MYO5A: variants seen among roughly 807,000 people sequenced by gnomAD.
MYO5A encodes myosin VA.
Under a neutral mutation model 249.7 loss-of-function variants are expected in MYO5A, and 98 were observed. That is an observed-to-expected ratio of 0.39 (90% confidence interval 0.33 to 0.46). The LOEUF is 0.46. Ranked by LOEUF, MYO5A falls within the 20% of genes least tolerant of loss-of-function variation. The pLI is 0.98. For missense variants in MYO5A, 1,696 were observed against 2,308.8 expected (o/e 0.73, Z 5.44); for synonymous variants, 778 against 810.6 (o/e 0.96, Z 0.68).
At chr15:52,491,609 C>T (rs2076937218) in intron 1 of MYO5A, among the ~76,000 whole-genome samples, 1 of 152,170 alleles carries the variant, frequency 6.6e-6, no homozygotes, top group Non-Finnish European at 1.5e-5. Flanking sequence ...AGTCAGGCTC[C>T]AAGTGTCAGA....
At chr15:52,416,047 G>A in intron 5 of MYO5A, 98 bp downstream of exon 5, 2 of 1,373,648 alleles carry the variant, frequency 1.5e-6, no homozygotes, top group Non-Finnish European at 2.1e-6. Context: ...AGTGGCTGGA[G>A]ACCCCAGGCT....
chr15:52,374,881 AC>A (rs202071760), intron 20 of MYO5A, among the ~76,000 whole-genome samples: 4 of 16,196 alleles, frequency 2.5e-4, no homozygotes, highest in Non-Finnish European at 3.4e-3. Flanking sequence ...AAACTAACAT[AC>A]TTTTTTTTTC....
intron 6 of MYO5A, among the ~76,000 whole-genome samples, chr15:52,409,025 A>G (rs2043132302): frequency 6.6e-6 from 1 of 152,290 alleles, no homozygotes; most frequent in African/African-American, 2.4e-5. Flanking sequence ...CTCTTTGTAC[A>G]TAAAGGACAA....
intron 1 of MYO5A, among the ~76,000 whole-genome samples, chr15:52,485,722 T>C (rs1456930209): frequency 2.0e-5 from 3 of 152,146 alleles, no homozygotes; most frequent in African/African-American, 7.2e-5. Flanking sequence ...AACATAAACA[T>C]ACACTTTTGG....
At chr15:52,322,004 C>T (rs568003388) in intron 37 of MYO5A, among the ~76,000 whole-genome samples, 11 of 152,260 alleles carry the variant, frequency 7.2e-5, no homozygotes, top group East Asian at 5.8e-4. Flanking sequence ...TACTCTATTT[C>T]GTAGTACCCA....
chr15:52,318,996 C>T, intron 39 of MYO5A, 64 bp downstream of exon 39: 1 of 1,588,174 alleles, frequency 6.3e-7, no homozygotes, highest in Non-Finnish European at 8.6e-7. Context: ...ATCAGCTCTC[C>T]ACAACCCTGG....
chr15:52,422,072 A>G (rs1000411536), intron 4 of MYO5A, among the ~76,000 whole-genome samples: 1 of 152,356 alleles, frequency 6.6e-6, no homozygotes, highest in East Asian at 1.9e-4. Flanking sequence ...ATGAGAAAAG[A>G]CTGGCAAGAA....
intron 32 of MYO5A, among the ~76,000 whole-genome samples, chr15:52,339,320 A>T (rs1360172070): frequency 1.3e-5 from 2 of 152,210 alleles, no homozygotes; most frequent in Non-Finnish European, 1.5e-5. Flanking sequence ...ATGTTAATTT[A>T]AAAAAGACAC....
At chr15:52,528,933 G>T (rs1340641471), upstream of MYO5A, 23 of 795,800 alleles carry the variant, frequency 2.9e-5, no homozygotes, top group South Asian at 1.1e-3. Flanking sequence ...GGCCGGGCGG[G>T]GAGGGCCGCG....
chr15:52,396,488 TGGGACA>T, intron 10 of MYO5A, 91 bp from the exon 11 acceptor site: 1 of 736,778 alleles, frequency 1.4e-6, no homozygotes, highest in Non-Finnish European at 2.3e-6. Context: ...AAGAAAGAAG[TGGGACA>T]TTCCCCAACA....
intron 20 of MYO5A, among the ~76,000 whole-genome samples, chr15:52,374,504 A>AGGTGATT (rs2041297148): frequency 6.6e-6 from 1 of 152,248 alleles, no homozygotes; most frequent in Admixed American, 6.5e-5. Context: ...TGATTAGGTT[A>AGGTGATT]AGGGTCTTCA....
At position 52,342,217 on chromosome 15, in the gene MYO5A, G is replaced by A. The variant is rs146328886; in HGVS notation, c.4040+900C>T. On this transcript the variant is annotated intron_variant, in intron 31 of 41. Coordinates refer to ENST00000399233, the MANE Select transcript of MYO5A (RefSeq NM_001382347.1). ...CAAAAAATAAAAAAATTAGCTGAGT[G>A]TGGTGGCACATGCTTGTGACAGTCC... Among the ~76,000 whole-genome samples, 68 of 152,224 alleles carry A rather than the reference G, an allele frequency of 4.5e-4. 1 individual carries two copies. The East Asian group carries it at 7.1e-3, about 16-fold the overall frequency.
chr15:52,481,790 C>T (rs75764602), intron 1 of MYO5A, among the ~76,000 whole-genome samples: 2,844 of 152,086 alleles, frequency 0.019, 61 homozygotes, highest in African/African-American at 0.053. Flanking sequence ...AGAGAGATTC[C>T]CAGGGCTCAG....
At chr15:52,526,095 A>G (rs1225293398) in intron 1 of MYO5A, among the ~76,000 whole-genome samples, 1 of 152,266 alleles carries the variant, frequency 6.6e-6, no homozygotes, top group East Asian at 1.9e-4. Flanking sequence ...TTAATTAGGC[A>G]TAAGTATATT....
At chr15:52,329,905 ATTTT>A (rs58058940) in intron 35 of MYO5A, among the ~76,000 whole-genome samples, 10,672 of 118,856 alleles carry the variant, frequency 0.09, 712 homozygotes, top group African/African-American at 0.21. Context: ...CGCCTGGGTA[ATTTT>A]TTTTTTTTTT....
At chr15:52,382,960 T>C in intron 16 of MYO5A, 131 bp downstream of exon 16, 1 of 774,396 alleles carries the variant, frequency 1.3e-6, no homozygotes, top group Non-Finnish European at 2.3e-6. Flanking sequence ...GGTTTCCCTC[T>C]ACAAGGCATG....
chr15:52,323,342 A>C lies in MYO5A; in HGVS notation c.4800+13T>G. The C allele has an allele frequency of 2.5e-6, 4 of 1,606,082 alleles. No individual in the cohort carries two copies. The African/African-American group carries it at 5.3e-5, about 21-fold the overall frequency. ...AGTATAGCATGCTGGTTTTGTAATC[A>C]AGGTTTTCTCACCTCTTCTCCACTG... On this transcript the variant is annotated intron_variant, in intron 37 of 41. Transcript: ENST00000399233.
At chr15:52,521,879 C>T (rs928088640) in intron 1 of MYO5A, among the ~76,000 whole-genome samples, 1 of 152,088 alleles carries the variant, frequency 6.6e-6, no homozygotes, top group Non-Finnish European at 1.5e-5. Context: ...GAAGAGGAAC[C>T]GTTAAAGGGC....
At chr15:52,348,032 A>C (rs543357003) in intron 29 of MYO5A, among the ~76,000 whole-genome samples, 2 of 152,186 alleles carry the variant, frequency 1.3e-5, no homozygotes, top group African/African-American at 2.4e-5. Context: ...TTAGCAAATG[A>C]GGTAACTTGA....
Sources: gnomAD v4.1 joint callset for allele counts (sites outside exome capture counted in the v4.1 genomes callset) on GRCh38, gnomAD v4.1.1 for gene constraint, MANE v1.5 for transcripts, NCBI Gene and HGNC (gene_info 2026-07-23, HGNC 2026-07-21) for gene names.